The following UBE2V2 variants were observed in gnomAD, a reference collection of about 807,000 sequenced individuals.
UBE2V2 encodes the protein ubiquitin-conjugating enzyme E2 variant 2.
In UBE2V2, 9 loss-of-function variants were observed where a neutral mutation model predicts 17.2. The ratio of observed to expected loss-of-function variants is 0.52; its 90% CI spans 0.32 to 0.91. The LOEUF (loss-of-function observed/expected upper bound fraction) is 0.91. UBE2V2 is among the 40% of genes least tolerant of loss of function. The pLI is 0.04. For missense variants in UBE2V2, 133 were observed against 182.6 expected, an observed-to-expected ratio of 0.73 and a Z score of 1.56; for synonymous variants, 61 against 57.5, an observed-to-expected ratio of 1.06 and a Z score of -0.28.
At chr8:48,033,468 G>A (rs933740484) in intron 1 of UBE2V2, among the ~76,000 whole-genome samples, 8 of 151,986 alleles carry the variant, frequency 5.3e-5, no homozygotes, top group Non-Finnish European at 1.2e-4. Flanking sequence ...CTACAGGCAT[G>A]AGCCACCACA....
intron 1 of UBE2V2, among the ~76,000 whole-genome samples, chr8:48,039,227 C>T (rs183862496): frequency 1.2e-4 from 18 of 152,108 alleles, no homozygotes; most frequent in Non-Finnish European, 1.9e-4. Flanking sequence ...ATATCTTTTC[C>T]ACTAACACCT....
At chr8:48,050,675 C>T (rs1453218783) in intron 3 of UBE2V2, among the ~76,000 whole-genome samples, 1 of 140,494 alleles carries the variant, frequency 7.1e-6, no homozygotes, top group African/African-American at 2.7e-5. Context: ...GGTGAAAGAG[C>T]GAAACTCCGT....
At chr8:48,008,338 C>T (rs976658387), upstream of UBE2V2, 3 of 1,356,248 alleles carry the variant, frequency 2.2e-6, no homozygotes, top group African/African-American at 3.1e-5. Context: ...CCTCGGGTCG[C>T]CCCGCGCCCG....
At chr8:48,012,290 A>G (rs1027258673) in intron 1 of UBE2V2, among the ~76,000 whole-genome samples, 1 of 152,192 alleles carries the variant, frequency 6.6e-6, no homozygotes, top group African/African-American at 2.4e-5. Context: ...AGAGTTACCC[A>G]TGCAATTCAA....
Position 48,058,206 on chromosome 8 carries a change from T to C in UBE2V2, c.292-2476T>C, listed in dbSNP as rs1585448473. On this transcript the variant is annotated intron_variant, in intron 3 of 3. Transcript: ENST00000523111. Reference sequence around the variant, plus strand: ...AAAATTGGCCGGGCGTGGTGGCTCATGCCTGTAATCCCAGCACTTTGGGAG... The same window carrying C: ...AAAATTGGCCGGGCGTGGTGGCTCACGCCTGTAATCCCAGCACTTTGGGAG... Among the ~76,000 whole-genome samples, 7 of 152,208 alleles carry C rather than the reference T, an allele frequency of 4.6e-5. No homozygotes were observed. The East Asian group carries it at 9.7e-4, about 21-fold the overall frequency.
chr8:48,026,504 T>A (rs1457794322), intron 1 of UBE2V2, among the ~76,000 whole-genome samples: 2 of 152,200 alleles, frequency 1.3e-5, no homozygotes, highest in African/African-American at 4.8e-5. Flanking sequence ...TGTTCACAGA[T>A]ATATGTAACT....
intron 1 of UBE2V2, among the ~76,000 whole-genome samples, chr8:48,017,663 G>A (rs2091278963): frequency 6.6e-6 from 1 of 151,504 alleles, no homozygotes; most frequent in South Asian, 2.1e-4. Context: ...GAGAGCCACC[G>A]CGCCTGCCAG....
upstream of UBE2V2, chr8:48,008,414 C>T (rs755539664): frequency 3.9e-6 from 6 of 1,557,708 alleles, no homozygotes; most frequent in Non-Finnish European, 4.3e-6. Flanking sequence ...CGCGACGGTT[C>T]GTGCGTGCGT....
rs565441304 is a variant in UBE2V2, at chr8:48,059,305, A to G, written c.292-1377A>G. 1.7e-3 allele frequency among the ~76,000 whole-genome samples: 261 copies of G among 151,952 alleles called. 2 individuals carry two copies. The highest frequency in any genetic ancestry group is 8.7e-4 in the Non-Finnish European group (59 of 67,994). ...CTTATGGCCTTCTCAGCTCTTTCAT[A>G]AGCCTGTGCGCAGCCCTACACATGT... On this transcript the variant is annotated intron_variant, in intron 3 of 3. Coordinates refer to ENST00000523111, the MANE Select transcript of UBE2V2 (RefSeq NM_003350.3).
chr8:48,039,111 G>T (rs868744171), intron 1 of UBE2V2, among the ~76,000 whole-genome samples: 4 of 151,874 alleles, frequency 2.6e-5, no homozygotes, highest in Non-Finnish European at 2.9e-5. Flanking sequence ...TGCTGGCCAG[G>T]CTGGTCTCGA....
chr8:48,063,624 T>C lies in UBE2V2; in HGVS notation c.*2796T>C, dbSNP rs1277050612. ...TTTAAGAATTGACAATTTTTAAAAA[T>C]ATTTTTTTCTACCATTCTAAAGTAA... On this transcript the variant is annotated 3_prime_UTR_variant, in exon 4 of 4. Transcript: ENST00000523111. 1 of 152,222 alleles carries C rather than the reference T, an allele frequency of 6.6e-6. No homozygotes were observed. The highest frequency in any genetic ancestry group is 1.5e-5 in the Non-Finnish European group (1 of 68,036). 9.4% of individuals were successfully genotyped at this position (152,222 alleles called of 1,614,324 possible). A position where few individuals can be genotyped will look rare whatever the true frequency, so the allele number is the denominator to read the frequency against.
chr8:48,004,195 A>G (rs940557137), upstream of UBE2V2, among the ~76,000 whole-genome samples: 11 of 152,186 alleles, frequency 7.2e-5, no homozygotes, highest in Non-Finnish European at 1.6e-4. Flanking sequence ...AAAAGGAAGC[A>G]AATGCAGGTT....
the UBE2V2 span, among the ~76,000 whole-genome samples, chr8:48,001,957 C>T: frequency 6.6e-6 from 1 of 151,966 alleles, no homozygotes; most frequent in Non-Finnish European, 1.5e-5. Context: ...GACGTGGTGG[C>T]GCATGCCTGT....
chr8:48,019,229 G>T (rs1197485937), intron 1 of UBE2V2, among the ~76,000 whole-genome samples: 2 of 152,170 alleles, frequency 1.3e-5, no homozygotes, highest in Non-Finnish European at 2.9e-5. Context: ...GCCAGGTGTG[G>T]TGGCGGGCGC....
At chr8:48,050,295 T>G (rs1026185528) in intron 3 of UBE2V2, 1 of 156,520 alleles carries the variant, frequency 6.4e-6, no homozygotes, top group Non-Finnish European at 1.4e-5. Context: ...AGTACAATTG[T>G]GCGATCTTGG....
At chr8:48,058,575 C>CA (rs571959848) in intron 3 of UBE2V2, among the ~76,000 whole-genome samples, 801 of 58,660 alleles carry the variant, frequency 0.014, 2 homozygotes, top group African/African-American at 0.033. Flanking sequence ...GACCCTGTCT[C>CA]AAAAAAAAAA....
upstream of UBE2V2, chr8:48,008,305 C>A (rs901297049): frequency 4.8e-6 from 5 of 1,033,788 alleles, no homozygotes; most frequent in East Asian, 3.4e-5. Flanking sequence ...CCCCGCGACC[C>A]CTCGGCCCAC....
chr8:48,047,563 A>ATT (rs1179681283), intron 2 of UBE2V2, among the ~76,000 whole-genome samples: 2 of 145,498 alleles, frequency 1.4e-5, no homozygotes, highest in African/African-American at 2.5e-5. Context: ...GTTAATTAAA[A>ATT]TTTTTTTTTT....
At chr8:48,051,647 T>G (rs538027357) in intron 3 of UBE2V2, among the ~76,000 whole-genome samples, 1 of 152,214 alleles carries the variant, frequency 6.6e-6, no homozygotes, top group Non-Finnish European at 1.5e-5. Flanking sequence ...TTTACTTATT[T>G]GCTCAATTTC....
Sources: allele counts gnomAD v4.1 joint callset (sites outside exome capture counted in the v4.1 genomes callset), GRCh38; gene constraint gnomAD v4.1.1; transcripts MANE v1.5; gene names NCBI Gene and HGNC (gene_info 2026-07-23, HGNC 2026-07-21).